Variants in ZNF57 observed in about 807,000 individuals in gnomAD.
The protein encoded by ZNF57 is zinc finger protein 424.
A neutral mutation model predicts 13.4 loss-of-function variants in ZNF57; 11 were observed. The observed-to-expected ratio is 0.82, with a 90% CI of 0.52 to 1.36. The LOEUF is 1.36. Ranked by LOEUF, ZNF57 falls within the 40% of genes most tolerant of loss-of-function variation. ZNF57 has a pLI of 0.00. For synonymous variants in ZNF57, 224 were observed against 238.5 expected, an observed-to-expected ratio of 0.94 and a Z score of 0.56; for missense variants, 696 against 667.5, an observed-to-expected ratio of 1.04 and a Z score of -0.47.
At chr19:2,916,360 CA>C (rs34115054) in intron 3 of ZNF57, 111 bp downstream of exon 3, 10,975 of 766,126 alleles carry the variant, frequency 0.014, 2 homozygotes, top group Non-Finnish European at 0.016. Context: ...GAATTTTAAC[CA>C]AAAAAAAAAA....
At chr19:2,906,477 A>C (rs3855680) in intron 1 of ZNF57, among the ~76,000 whole-genome samples, 55,888 of 152,132 alleles carry the variant, frequency 0.37, 10,618 homozygotes, top group Non-Finnish European at 0.43. Flanking sequence ...GCTCAGATCA[A>C]GTATTTTAGC....
At chr19:2,916,020 T>C (rs796234240) in intron 2 of ZNF57, 58 bp from the exon 3 acceptor site, 12 of 1,554,762 alleles carry the variant, frequency 7.7e-6, no homozygotes, top group African/African-American at 5.5e-5. Context: ...CCTCAGTGTC[T>C]TCCTTTGCTT....
intron 1 of ZNF57, among the ~76,000 whole-genome samples, chr19:2,911,704 G>A (rs149366264): frequency 1.6e-4 from 24 of 152,144 alleles, no homozygotes; most frequent in African/African-American, 5.5e-4. Flanking sequence ...TTCATTACAT[G>A]TCTTCAGGCT....
chr19:2,905,409 C>CCCCCACCCCCCCCCCA (rs1555677374), intron 1 of ZNF57, among the ~76,000 whole-genome samples: 1 of 65,394 alleles, frequency 1.5e-5, no homozygotes, highest in African/African-American at 5.1e-5. Context: ...AGGTGATCGC[C>CCCCCACCCCCCCCCCA]CCCCCCCCCT....
At position 2,918,142 on chromosome 19, in the gene ZNF57, A is replaced by T; in HGVS notation, c.1521A>T (p.Lys507Asn). 1 of 1,614,238 alleles carries T rather than the reference A, an allele frequency of 6.2e-7. No individual in the cohort carries two copies. ...MHTGEKPHKC[K>N]QCGMSFKWHS... The stretch of plus-strand genomic sequence containing the variant: ...CTGGAGAGAAACCTCACAAATGTAA[A>T]CAATGTGGGATGTCCTTCAAGTGGC... Residue 507 changes from lysine to asparagine, a missense_variant, in exon 4 of 4, where the codon AAA becomes AAT. Coordinates refer to ENST00000306908, the MANE Select transcript of ZNF57 (RefSeq NM_173480.3).
rs2088064521 is a variant in ZNF57, at chr19:2,905,407, G to GCCTC, written c.3+4361_3+4362insTCCC. Among the ~76,000 whole-genome samples, 6 of 34,848 alleles carry GCCTC rather than the reference G, an allele frequency of 1.7e-4. 2 individuals carry two copies. In the South Asian group the frequency reaches 6.2e-3, roughly 36 times the overall value. 22.9% of individuals were successfully genotyped at this position (34,848 alleles called of 152,430 possible). A position where few individuals can be genotyped will look rare whatever the true frequency, so the allele number is the denominator to read the frequency against. Reference sequence around the variant, plus strand: ...CTCGAACTCTTGACTTCAGGTGATCGCCCCCCCCCCCTCGGCATTCCAAAG... The same window carrying GCCTC: ...CTCGAACTCTTGACTTCAGGTGATCGCCTCCCCCCCCCCCCTCGGCATTCCAAAG... On this transcript the variant is annotated intron_variant, in intron 1 of 3. Coordinates refer to ENST00000306908, the MANE Select transcript of ZNF57 (RefSeq NM_173480.3).
rs751513489 is a variant in ZNF57 at position 2,918,341 on chromosome 19, T to C, written c.*52T>C. The C allele has an allele frequency of 1.8e-5, 27 of 1,513,730 alleles. No homozygotes were observed. The highest frequency in any genetic ancestry group is 2.2e-5 in the Non-Finnish European group (25 of 1,132,128). 93.8% of individuals were successfully genotyped at this position (1,513,730 alleles called of 1,614,324 possible). ...TAACCTCACATTAATTCATGTATAA[T>C]GCTCCAGAAAATTCACACCAGGAGA... On this transcript the variant is annotated 3_prime_UTR_variant, in exon 4 of 4. Transcript: ENST00000306908.
chr19:2,909,075 G>C (rs1446406006), intron 1 of ZNF57, among the ~76,000 whole-genome samples: 1 of 151,938 alleles, frequency 6.6e-6, no homozygotes, highest in Non-Finnish European at 1.5e-5. Context: ...TGTGTGGGCT[G>C]TACCACATTT....
Position 2,900,967 on chromosome 19 carries a change from G to C in ZNF57, c.-79G>C. On this transcript the variant is annotated 5_prime_UTR_variant, in exon 1 of 4. Coordinates refer to ENST00000306908, the MANE Select transcript of ZNF57 (RefSeq NM_173480.3). The stretch of plus-strand genomic sequence containing the variant: ...TGCCCTGCCTACCACGAGCGGCCCG[G>C]GAGTACCTGTACCTTTCAGCTGCGC... The C allele has an allele frequency of 4.6e-6, 7 of 1,538,060 alleles. No homozygotes were observed. The highest frequency in any genetic ancestry group is 4.0e-5 in the Admixed American group (2 of 50,336).
Position 2,917,848 on chromosome 19 carries a change from T to C in ZNF57, c.1227T>C (p.Gly409=), listed in dbSNP as rs2088225790. The change falls in exon 4 of 4, where the codon GGT becomes GGC. Residue 409 remains glycine, a synonymous_variant. Transcript: ENST00000306908. ...TTACCTCTTCCAGATCATTCCGAGG[T>C]CATTTGAGGACGCACACTGGAGAGA... is the stretch of plus-strand genomic sequence containing the variant. ...KAFTSSRSFR[G]HLRTHTGEKP... is the part of the protein sequence containing the mutation. The C allele has an allele frequency of 3.1e-6, 5 of 1,609,656 alleles. No individual in the cohort carries two copies. The highest frequency in any genetic ancestry group is 3.4e-6 in the Non-Finnish European group (4 of 1,178,604).
At chr19:2,905,958 G>A (rs571488759) in intron 1 of ZNF57, among the ~76,000 whole-genome samples, 9 of 152,114 alleles carry the variant, frequency 5.9e-5, no homozygotes, top group East Asian at 1.9e-4. Context: ...ATCTGCTGAC[G>A]TGGTGGCATT....
At chr19:2,913,730 TTC>T (rs2088161994) in intron 1 of ZNF57, among the ~76,000 whole-genome samples, 1 of 152,048 alleles carries the variant, frequency 6.6e-6, no homozygotes, top group Non-Finnish European at 1.5e-5. Flanking sequence ...TCACTGCAAC[TTC>T]TGTCTTCAAG....
At chr19:2,910,499 T>C (rs12982231) in intron 1 of ZNF57, among the ~76,000 whole-genome samples, 5,691 of 30,836 alleles carry the variant, frequency 0.18, 2,323 homozygotes, top group Non-Finnish European at 0.34. Flanking sequence ...CTCACTCTGT[T>C]TCCCAGGCTG....
intron 1 of ZNF57, among the ~76,000 whole-genome samples, chr19:2,911,773 T>C (rs566700633): frequency 6.6e-6 from 1 of 152,334 alleles, no homozygotes; most frequent in East Asian, 1.9e-4. Flanking sequence ...TCATTCTCCA[T>C]TTCTGTTACA....
At chr19:2,913,590 T>G (rs1279400282) in intron 1 of ZNF57, among the ~76,000 whole-genome samples, 1 of 152,214 alleles carries the variant, frequency 6.6e-6, no homozygotes, top group Admixed American at 6.5e-5. Context: ...ATTAGTGAAT[T>G]TGCCAAATTT....
In ZNF57 at chr19:2,909,740, GT is replaced by G. The variant is rs914859931; in HGVS notation, c.4-5781del. Among the ~76,000 whole-genome samples, 7 of 46,838 alleles carry G rather than the reference GT, an allele frequency of 1.5e-4. 2 individuals are homozygous for G. The highest frequency in any genetic ancestry group is 3.4e-4 in the African/African-American group (7 of 20,506). The allele number at this position is 46,838 out of a possible 152,430, so 30.7% of individuals were successfully genotyped here. On this transcript the variant is annotated intron_variant, in intron 1 of 3. Transcript: ENST00000306908. The stretch of plus-strand genomic sequence containing the variant: ...ATGGGGTCTCACTGTGTTGCCCAGG[GT>G]GATGTGAAACTCCTGAGCTCAAGCA...
intron 1 of ZNF57, among the ~76,000 whole-genome samples, chr19:2,908,684 T>G (rs556818115): frequency 6.6e-6 from 1 of 152,186 alleles, no homozygotes; most frequent in African/African-American, 2.4e-5. Flanking sequence ...ATGACAGGTG[T>G]GAGCCACTGC....
chr19:2,918,380 TATG>T lies in ZNF57; in HGVS notation c.*94_*96del, dbSNP rs1222864767. ...CACACCAGGAGAGAAATCTTACAAG[TATG>T]ATATTGTCTTTGTCAATACCTCATT... On this transcript the variant is annotated 3_prime_UTR_variant, in exon 4 of 4. Transcript: ENST00000306908. The T allele has an allele frequency of 2.5e-5, 35 of 1,381,782 alleles. No individual in the cohort carries two copies. Among genetic ancestry groups the T allele is most frequent in the Non-Finnish European group, 3.1e-5 (32 of 1,023,810 alleles). The allele number at this position is 1,381,782 out of a possible 1,614,324, so 85.6% of individuals were successfully genotyped here.
At position 2,918,096 on chromosome 19, in the gene ZNF57, A is replaced by G. The variant is rs2088231351; in HGVS notation, c.1475A>G (p.His492Arg). ...GKTFTWSSTL[H>R]NHVRMHTGEK... ...ACCTTCACTTGGTCCTCAACCTTAC[A>G]TAATCATGTGAGGATGCACACTGGA... The change falls in exon 4 of 4, where the codon CAT becomes CGT. Residue 492 changes from histidine to arginine, a missense_variant. This residue lies in a region of ZNF57 where 645 missense variants were observed against 591.5 expected (regional missense o/e 1.09). Coordinates refer to ENST00000306908, the MANE Select transcript of ZNF57 (RefSeq NM_173480.3). The G allele has an allele frequency of 6.2e-7, 1 of 1,614,066 alleles. No individual in the cohort carries two copies. Among genetic ancestry groups the G allele is most frequent in the African/African-American group, 1.3e-5 (1 of 74,940 alleles).
Sources: allele counts gnomAD v4.1 joint callset (sites outside exome capture counted in the v4.1 genomes callset), GRCh38; gene constraint gnomAD v4.1.1; regional missense constraint gnomAD v4.1.1; transcripts MANE v1.5; gene names NCBI Gene and HGNC (gene_info 2026-07-23, HGNC 2026-07-21).